Variants in SLC22A25 observed in about 807,000 individuals in gnomAD.
SLC22A25 encodes the protein MGI:2442751, MGI:2385316, MGI:3042283, MGI:3645714, MGI:3605624, MGI:2442750.
Under a neutral mutation model 45.9 loss-of-function variants are expected in SLC22A25, and 44 were observed. That is an observed-to-expected ratio of 0.96 (90% confidence interval 0.75 to 1.23). The LOEUF is 1.23. SLC22A25 is among the 50% of genes most tolerant of loss of function. The pLI, the probability that SLC22A25 is intolerant of heterozygous loss-of-function variation, is 0.00. For synonymous variants in SLC22A25, 283 were observed against 238.6 expected, an observed-to-expected ratio of 1.19 and a Z score of -1.72; for missense variants, 800 against 666.4, an observed-to-expected ratio of 1.20 and a Z score of -2.21.
intron 3 of SLC22A25, among the ~76,000 whole-genome samples, chr11:63,235,235 G>A (rs1233847478): frequency 1.3e-5 from 2 of 152,216 alleles, no homozygotes; most frequent in Non-Finnish European, 2.9e-5. Context: ...TTCCTGCAGA[G>A]TGTTTTCCAA....
intron 7 of SLC22A25, among the ~76,000 whole-genome samples, chr11:63,212,278 A>G (rs934932284): frequency 8.6e-5 from 13 of 151,958 alleles, no homozygotes; most frequent in African/African-American, 2.9e-4. Flanking sequence ...AGGGATCTAG[A>G]ACTAGAAATA....
chr11:63,212,430 A>C (rs914850913), intron 7 of SLC22A25, among the ~76,000 whole-genome samples: 23 of 152,302 alleles, frequency 1.5e-4, no homozygotes, highest in South Asian at 6.2e-4. Flanking sequence ...ATGTCCACCA[A>C]TGATAGACTG....
chr11:63,220,102 G>T, intron 5 of SLC22A25: 1 of 963,826 alleles, frequency 1.0e-6, no homozygotes. Context: ...ATTGTCCTTA[G>T]ATTACTTACC....
chr11:63,199,825 A>G (rs977410862), intron 7 of SLC22A25, among the ~76,000 whole-genome samples: 1 of 151,358 alleles, frequency 6.6e-6, no homozygotes, highest in African/African-American at 2.4e-5. Context: ...GTAACCTCAT[A>G]TATTCAGCCT....
Position 63,158,463 on chromosome 11 carries a change from T to C in SLC22A25, c.*5361A>G, listed in dbSNP as rs1189136232. Among the ~76,000 whole-genome samples the C allele has an allele frequency of 6.6e-6, 1 of 152,192 alleles. No homozygotes were observed. The highest frequency in any genetic ancestry group is 1.5e-5 in the Non-Finnish European group (1 of 68,024). On this transcript the variant is annotated 3_prime_UTR_variant, in exon 12 of 12. Coordinates refer to ENST00000306494, the MANE Select transcript of SLC22A25 (RefSeq NM_199352.6). ...ATATTTTAAAATGTTTTATTTTTAA[T>C]TTTTGTGGCTACATAGTAGATGGAT...
intron 1 of SLC22A25, among the ~76,000 whole-genome samples, chr11:63,242,159 T>C (rs1415763694): frequency 6.6e-6 from 1 of 152,150 alleles, no homozygotes; most frequent in Non-Finnish European, 1.5e-5. Flanking sequence ...ACAGAGAATG[T>C]ACAAAATGAA....
chr11:63,225,707 T>C (rs1005148964), intron 5 of SLC22A25, among the ~76,000 whole-genome samples: 1 of 152,192 alleles, frequency 6.6e-6, no homozygotes, highest in Non-Finnish European at 1.5e-5. Flanking sequence ...AATAGCTCTT[T>C]GAATAAACTG....
chr11:63,238,319 T>C (rs2090196482), intron 2 of SLC22A25, among the ~76,000 whole-genome samples: 1 of 152,200 alleles, frequency 6.6e-6, no homozygotes, highest in South Asian at 2.1e-4. Context: ...AATTTAATGA[T>C]TCGTGATTAT....
chr11:63,234,006 T>C (rs981745385), intron 3 of SLC22A25, among the ~76,000 whole-genome samples: 1 of 152,218 alleles, frequency 6.6e-6, no homozygotes, highest in African/African-American at 2.4e-5. Context: ...AGAGACAGTT[T>C]GTTATAATTT....
chr11:63,221,817 G>A (rs1364501836), intron 5 of SLC22A25, among the ~76,000 whole-genome samples: 1 of 152,092 alleles, frequency 6.6e-6, no homozygotes, highest in African/African-American at 2.4e-5. Flanking sequence ...TATGGCCAAA[G>A]ATAGGGGTCT....
chr11:63,222,178 A>AT (rs1331378037), intron 5 of SLC22A25, among the ~76,000 whole-genome samples: 1 of 152,120 alleles, frequency 6.6e-6, no homozygotes. Flanking sequence ...TGTAATTGGT[A>AT]TTTTGATAGA....
intron 7 of SLC22A25, among the ~76,000 whole-genome samples, chr11:63,194,877 A>T: frequency 7.1e-6 from 1 of 141,328 alleles, no homozygotes; most frequent in African/African-American, 2.7e-5. Flanking sequence ...AAATCTACCA[A>T]GCAAATGGAA....
At position 63,180,366 on chromosome 11, in the gene SLC22A25, A is replaced by G. The variant is rs373878210; in HGVS notation, c.1070+294T>C. ...CTGTTTATAAATTAGCTCAATTAAA[A>G]TGGAAACAAATGAAGAAACTTTGAG... On this transcript the variant is annotated intron_variant, in intron 9 of 11. Coordinates refer to ENST00000306494, the MANE Select transcript of SLC22A25 (RefSeq NM_199352.6). 1.4e-4 allele frequency among the ~76,000 whole-genome samples: 22 copies of G among 152,276 alleles called. No individual in the cohort carries two copies. In the East Asian group the frequency reaches 4.2e-3, roughly 29 times the overall value.
intron 7 of SLC22A25, among the ~76,000 whole-genome samples, chr11:63,199,655 C>A (rs2089175286): frequency 6.6e-6 from 1 of 152,034 alleles, no homozygotes; most frequent in South Asian, 2.1e-4. Flanking sequence ...TTCTTATCAG[C>A]CTGCCCAGCT....
chr11:63,183,541 C>T (rs1383338585), intron 8 of SLC22A25, among the ~76,000 whole-genome samples, 153 bp downstream of exon 8: 1 of 152,064 alleles, frequency 6.6e-6, no homozygotes, highest in African/African-American at 2.4e-5. Context: ...CAATGTTAAT[C>T]CAATGTTGAC....
In SLC22A25 at chr11:63,212,096, T is replaced by C. The variant is rs576272845; in HGVS notation, c.830+5218A>G. Among the ~76,000 whole-genome samples, 3 of 152,152 alleles carry C rather than the reference T, an allele frequency of 2.0e-5. No individual in the cohort carries two copies. In the East Asian group the frequency reaches 5.8e-4, roughly 29 times the overall value. The stretch of plus-strand genomic sequence containing the variant: ...TCATCATCACTGGCCATCAGAGAAA[T>C]GCAAATCAAAACCACAATGAGATAC... On this transcript the variant is annotated intron_variant, in intron 7 of 11. Transcript: ENST00000306494.
intron 7 of SLC22A25, among the ~76,000 whole-genome samples, chr11:63,202,585 G>T (rs2089281099): frequency 6.6e-6 from 1 of 152,214 alleles, no homozygotes; most frequent in African/African-American, 2.4e-5. Flanking sequence ...CTAAGCTGCT[G>T]TAGCCAGACT....
intron 7 of SLC22A25, among the ~76,000 whole-genome samples, chr11:63,193,328 T>G (rs894954988): frequency 2.6e-5 from 4 of 152,216 alleles, no homozygotes; most frequent in East Asian, 1.9e-4. Context: ...ACAGACAGTC[T>G]GCCTCCTAAA....
At chr11:63,164,163 A>T in intron 11 of SLC22A25, 90 bp from the exon 12 acceptor site, 2 of 1,463,416 alleles carry the variant, frequency 1.4e-6, no homozygotes, top group South Asian at 1.4e-5. Context: ...ATGGATGAGC[A>T]CTTAAACACA....
Sources: gnomAD v4.1 joint callset for allele counts (sites outside exome capture counted in the v4.1 genomes callset) on GRCh38, gnomAD v4.1.1 for gene constraint, MANE v1.5 for transcripts, NCBI Gene and HGNC (gene_info 2026-07-23, HGNC 2026-07-21) for gene names.